MYO10: variants seen among roughly 807,000 people sequenced by gnomAD.
MYO10 encodes the protein unconventional myosin-X.
In MYO10, 133 loss-of-function variants were observed where a neutral mutation model predicts 257.3. The observed-to-expected ratio is 0.52, with a 90% CI of 0.45 to 0.60. The LOEUF (loss-of-function observed/expected upper bound fraction) is 0.60, where lower values mean the gene tolerates loss of function less well. Among genes scored for constraint, MYO10 ranks in the 20% least tolerant of loss-of-function variants. MYO10 has a pLI of 0.00. For missense variants in MYO10, 2,399 were observed against 2,635.7 expected, an observed-to-expected ratio of 0.91 and a Z score of 1.97; for synonymous variants, 1,104 against 1,028.6, an observed-to-expected ratio of 1.07 and a Z score of -1.40.
At chr5:16,899,276 C>G (rs1745308272) in intron 1 of MYO10, among the ~76,000 whole-genome samples, 1 of 152,072 alleles carries the variant, frequency 6.6e-6, no homozygotes, top group Admixed American at 6.6e-5. Context: ...TCATCCTAAT[C>G]TACTTTACTT....
chr5:16,711,071 T>C, intron 20 of MYO10, 49 bp from the exon 21 acceptor site: 1 of 1,613,098 alleles, frequency 6.2e-7, no homozygotes, highest in Non-Finnish European at 8.5e-7. Flanking sequence ...GTTCCCTGTT[T>C]TCTCCAACCC....
Position 16,679,980 on chromosome 5 carries a change from G to A in MYO10, c.4509C>T (p.Asp1503=), listed in dbSNP as rs1171879124. The change falls in exon 33 of 41, where the codon GAC becomes GAT. Residue 1503 remains aspartate (D), a synonymous_variant. Coordinates refer to ENST00000513610, the MANE Select transcript of MYO10 (RefSeq NM_012334.3). The part of the protein sequence containing the change: ...QNVTDTKAPI[D]TPTQQLIQDI... ...CTTGAATCAGCTGCTGGGTGGGGGT[G>A]TCGATCGGGGCCTTGGTGTCAGTCA... The A allele has an allele frequency of 1.2e-6, 2 of 1,613,932 alleles. No homozygotes were observed. Among genetic ancestry groups the A allele is most frequent in the South Asian group, 1.1e-5 (1 of 91,056 alleles).
At chr5:16,865,675 G>A (rs977693558) in intron 2 of MYO10, among the ~76,000 whole-genome samples, 29 of 151,982 alleles carry the variant, frequency 1.9e-4, no homozygotes, top group African/African-American at 6.5e-4. Flanking sequence ...GCCGGGCGTG[G>A]TGGCAGGCGT....
At chr5:16,867,924 G>A (rs1334025633) in intron 2 of MYO10, among the ~76,000 whole-genome samples, 1 of 152,194 alleles carries the variant, frequency 6.6e-6, no homozygotes, top group Non-Finnish European at 1.5e-5. Context: ...CTCAACTAGT[G>A]AATATTTTGG....
chr5:16,669,708 T>C (rs1042028970), intron 39 of MYO10, among the ~76,000 whole-genome samples: 26 of 152,196 alleles, frequency 1.7e-4, no homozygotes, highest in Non-Finnish European at 7.3e-5. Flanking sequence ...CCACGGATTC[T>C]AGAATTTATA....
intron 19 of MYO10, among the ~76,000 whole-genome samples, chr5:16,733,503 T>C (rs1418114951): frequency 3.9e-5 from 6 of 152,194 alleles, no homozygotes; most frequent in African/African-American, 1.4e-4. Flanking sequence ...CCGTCTGCTC[T>C]GAGATAAATG....
intron 19 of MYO10, among the ~76,000 whole-genome samples, chr5:16,714,395 G>A (rs911897498): frequency 2.6e-5 from 4 of 152,202 alleles, no homozygotes; most frequent in East Asian, 1.9e-4. Context: ...GAAGATGGAC[G>A]CATGGTTCTT....
At chr5:16,742,206 G>C (rs1368830501) in intron 19 of MYO10, 1 of 985,244 alleles carries the variant, frequency 1.0e-6, no homozygotes, top group African/African-American at 1.7e-5. Context: ...TCCACCCAGA[G>C]AACAAGAACA....
chr5:16,872,364 G>A (rs1744477663), intron 2 of MYO10, among the ~76,000 whole-genome samples: 1 of 152,178 alleles, frequency 6.6e-6, no homozygotes, highest in Non-Finnish European at 1.5e-5. Context: ...ACAGAAAGAA[G>A]AGCAGTTACC....
chr5:16,725,525 GAATTA>G (rs1388178571), intron 19 of MYO10, among the ~76,000 whole-genome samples: 12 of 152,078 alleles, frequency 7.9e-5, no homozygotes, highest in African/African-American at 2.9e-4. Flanking sequence ...ACTACTCTAT[GAATTA>G]AATCAGTCCA....
intron 2 of MYO10, among the ~76,000 whole-genome samples, chr5:16,830,687 A>ACACACACACT (rs1743139494): frequency 6.6e-6 from 1 of 152,000 alleles, no homozygotes; most frequent in African/African-American, 2.4e-5. Flanking sequence ...AGGCACACAC[A>ACACACACACT]CACACACACA....
At chr5:16,708,178 C>T (rs749622161) in intron 21 of MYO10, among the ~76,000 whole-genome samples, 1 of 152,198 alleles carries the variant, frequency 6.6e-6, no homozygotes. Context: ...AACTTTTCAC[C>T]AATTAAAACT....
Position 16,758,231 on chromosome 5 carries a change from G to A in MYO10, c.1740-5C>T. On this transcript the variant is annotated splice_region_variant and splice_polypyrimidine_tract_variant and intron_variant, in intron 17 of 40. Transcript: ENST00000513610. ...AGATCGTAGATAAAGTCAAATCTGT[G>A]TGAGGCAAGAGCAGGAGGTCAGTGA... is the stretch of plus-strand genomic sequence containing the variant. 6.3e-7 allele frequency: 1 copy of A among 1,590,480 alleles called. No homozygotes were observed. The highest frequency in any genetic ancestry group is 1.7e-5 in the Admixed American group (1 of 59,968).
chr5:16,792,870 CT>C (rs1156666953), intron 4 of MYO10, among the ~76,000 whole-genome samples: 23 of 152,180 alleles, frequency 1.5e-4, no homozygotes, highest in Non-Finnish European at 3.2e-4. Context: ...GTGTCCCCCC[CT>C]CCCCCGACAT....
chr5:16,699,723 A>C, intron 25 of MYO10, 150 bp from the exon 26 acceptor site: 1 of 887,952 alleles, frequency 1.1e-6, no homozygotes, highest in Non-Finnish European at 1.7e-6. Context: ...GGAGGCAGTG[A>C]CTGCACTGAG....
chr5:16,760,777 C>T (rs1740686449), intron 17 of MYO10, among the ~76,000 whole-genome samples: 1 of 151,658 alleles, frequency 6.6e-6, no homozygotes, highest in African/African-American at 2.4e-5. Flanking sequence ...CCAACCAGAC[C>T]AGATCAAAAC....
intron 35 of MYO10, among the ~76,000 whole-genome samples, chr5:16,674,519 CAATT>C (rs1044513501): frequency 1.3e-5 from 2 of 150,890 alleles, no homozygotes; most frequent in Non-Finnish European, 2.9e-5. Context: ...ATCAAAATCT[CAATT>C]AGATTGTTTC....
chr5:16,821,438 ATTTTCTTTT>A (rs1742807797), intron 2 of MYO10, among the ~76,000 whole-genome samples: 57 of 73,236 alleles, frequency 7.8e-4, no homozygotes, highest in Non-Finnish European at 1.1e-3. Context: ...CTTTCCTCCT[ATTTTCTTTT>A]TTTTTTTTTT....
rs1740590950 is a variant in MYO10 at position 16,758,172 on chromosome 5, A to C, written c.1794T>G (p.Asp598Glu). 1.2e-6 allele frequency: 2 copies of C among 1,613,704 alleles called. No individual in the cohort carries two copies. The highest frequency in any genetic ancestry group is 1.7e-6 in the Non-Finnish European group (2 of 1,179,728). Residue 598 changes from aspartate (D) to glutamate (E), a missense_variant, in exon 18 of 41, where the codon GAT becomes GAG. Asp to Glu is a conservative substitution (Grantham distance 45). This residue lies in a region of MYO10 where 1,820 missense variants were observed against 1,939.4 expected (regional missense o/e 0.94). Coordinates refer to ENST00000513610, the MANE Select transcript of MYO10 (RefSeq NM_012334.3). ...FEHVSSRNNQ[D>E]TLKCGSKHRR... ...GATGTTTGCTTCCACATTTCAAGGT[A>C]TCCTGGTTGTTGCGGCTTGAAACAT...
Sources: gnomAD v4.1 joint callset for allele counts (sites outside exome capture counted in the v4.1 genomes callset) on GRCh38, gnomAD v4.1.1 for gene constraint, gnomAD v4.1.1 regional missense constraint, MANE v1.5 for transcripts, NCBI Gene and HGNC (gene_info 2026-07-23, HGNC 2026-07-21) for gene names.